Variants in REEP3 observed in about 807,000 individuals in gnomAD.
REEP3 encodes receptor accessory protein 3.
A neutral mutation model predicts 41.3 loss-of-function variants in REEP3; 20 were observed. That is an observed-to-expected ratio of 0.48 (90% CI 0.34 to 0.70). REEP3 has a LOEUF of 0.70. Ranked by LOEUF, REEP3 falls within the 30% of genes least tolerant of loss-of-function variation. REEP3 has a pLI of 0.01. For missense variants in REEP3, 271 were observed against 308.8 expected, an observed-to-expected ratio of 0.88 and a Z score of 0.92; for synonymous variants, 104 against 101.8, an observed-to-expected ratio of 1.02 and a Z score of -0.13.
At position 63,562,441 on chromosome 10, in the gene REEP3, G is replaced by A. The variant is rs528910402; in HGVS notation, c.33-3897G>A. The A allele has an allele frequency of 1.0e-5, 4 of 397,726 alleles. No individual in the cohort carries two copies. In the East Asian group the frequency reaches 3.0e-4, roughly 29 times the overall value. 24.6% of individuals were successfully genotyped at this position (397,726 alleles called of 1,614,324 possible). On this transcript the variant is annotated intron_variant, in intron 1 of 7. Transcript: ENST00000373758. The stretch of plus-strand genomic sequence containing the variant: ...CCTGCTAATTTTTGTATTTTTAGTA[G>A]AGACAGGGTTTCCCCACGTTGGCCA...
At chr10:63,561,156 G>A (rs929948970) in intron 1 of REEP3, among the ~76,000 whole-genome samples, 2 of 152,164 alleles carry the variant, frequency 1.3e-5, no homozygotes, top group Non-Finnish European at 2.9e-5. Context: ...TATATGTATA[G>A]TATCAACTAG....
At chr10:63,612,556 C>T (rs940955381) in intron 6 of REEP3, among the ~76,000 whole-genome samples, 3 of 151,982 alleles carry the variant, frequency 2.0e-5, no homozygotes, top group South Asian at 2.1e-4. Context: ...TTTGGGAGGC[C>T]GAGGCAGGCA....
At chr10:63,618,614 T>C (rs1675660830) in intron 6 of REEP3, among the ~76,000 whole-genome samples, 1 of 152,222 alleles carries the variant, frequency 6.6e-6, no homozygotes, top group Admixed American at 6.5e-5. Flanking sequence ...TGTCTGAGAC[T>C]TGGGCCCCTG....
intron 3 of REEP3, among the ~76,000 whole-genome samples, chr10:63,596,015 G>T (rs2133407257): frequency 1.3e-5 from 2 of 152,176 alleles, no homozygotes; most frequent in South Asian, 4.2e-4. Flanking sequence ...TTTTGTCTGG[G>T]TCTGTTTCAA....
At chr10:63,593,547 C>T (rs550965562) in intron 2 of REEP3, among the ~76,000 whole-genome samples, 5 of 152,270 alleles carry the variant, frequency 3.3e-5, no homozygotes, top group African/African-American at 9.6e-5. Flanking sequence ...TGTTTATCAA[C>T]GTAATTCCTC....
intron 1 of REEP3, among the ~76,000 whole-genome samples, chr10:63,536,129 C>T (rs1218747907): frequency 6.6e-6 from 1 of 152,194 alleles, no homozygotes; most frequent in Non-Finnish European, 1.5e-5. Flanking sequence ...TGAGAAACCT[C>T]AGGCTTAGAA....
chr10:63,566,869 A>G (rs1296447048), intron 2 of REEP3, among the ~76,000 whole-genome samples: 1 of 152,188 alleles, frequency 6.6e-6, no homozygotes, highest in Admixed American at 6.5e-5. Flanking sequence ...TCCTTCTTGA[A>G]TCAGACTCCA....
intron 2 of REEP3, among the ~76,000 whole-genome samples, chr10:63,576,844 C>T (rs1955902860): frequency 6.6e-6 from 1 of 152,128 alleles, no homozygotes; most frequent in South Asian, 2.1e-4. Context: ...GAGAAATATT[C>T]CTCTTTTTCC....
intron 2 of REEP3, among the ~76,000 whole-genome samples, chr10:63,569,368 G>C (rs1024623762): frequency 7.2e-5 from 11 of 152,044 alleles, no homozygotes; most frequent in African/African-American, 2.7e-4. Context: ...CACCTAGAAA[G>C]CATTCAAGAA....
At chr10:63,539,829 A>T (rs985459407) in intron 1 of REEP3, among the ~76,000 whole-genome samples, 1 of 152,192 alleles carries the variant, frequency 6.6e-6, no homozygotes, top group Admixed American at 6.5e-5. Context: ...GCACCTGGAC[A>T]TACTTTTTTT....
rs547357936 is a variant in REEP3, at chr10:63,622,394, A to C, written c.*1525A>C. 2.6e-5 allele frequency: 4 copies of C among 152,186 alleles called. No homozygotes were observed. The highest frequency in any genetic ancestry group is 5.9e-5 in the Non-Finnish European group (4 of 68,032). 9.4% of individuals were successfully genotyped at this position (152,186 alleles called of 1,614,324 possible). A position where few individuals can be genotyped will look rare whatever the true frequency, so the allele number is the denominator to read the frequency against. On this transcript the variant is annotated 3_prime_UTR_variant, in exon 8 of 8. Transcript: ENST00000373758. ...TTTTATGGATTATTTCACATTCTTC[A>C]TATATAACAAGTAAAATTAATTCAG...
At chr10:63,620,585 G>A (rs986173193) in intron 7 of REEP3, among the ~76,000 whole-genome samples, 1 of 151,768 alleles carries the variant, frequency 6.6e-6, no homozygotes, top group Non-Finnish European at 1.5e-5. Flanking sequence ...TAAATAATAG[G>A]ATTAATGTTT....
At chr10:63,546,808 C>G (rs1395476351) in intron 1 of REEP3, among the ~76,000 whole-genome samples, 1 of 152,214 alleles carries the variant, frequency 6.6e-6, no homozygotes, top group East Asian at 1.9e-4. Flanking sequence ...ATATCCATCA[C>G]TTGCAGAATC....
intron 1 of REEP3, among the ~76,000 whole-genome samples, chr10:63,566,128 C>T (rs1051990718): frequency 7.9e-5 from 12 of 152,156 alleles, no homozygotes; most frequent in African/African-American, 2.2e-4. Context: ...TCGTGATCCA[C>T]CTGCCTCGAC....
intron 1 of REEP3, among the ~76,000 whole-genome samples, chr10:63,550,079 A>G (rs1955614474): frequency 6.6e-6 from 1 of 152,242 alleles, no homozygotes; most frequent in Non-Finnish European, 1.5e-5. Context: ...TGTGTTGGGA[A>G]GCTGTTCAGT....
chr10:63,548,313 T>G (rs1955597213), intron 1 of REEP3, among the ~76,000 whole-genome samples: 1 of 152,242 alleles, frequency 6.6e-6, no homozygotes, highest in African/African-American at 2.4e-5. Context: ...TTCCTGAGTT[T>G]TTATTTTGTG....
At chr10:63,558,733 ACT>A (rs1223441590) in intron 1 of REEP3, among the ~76,000 whole-genome samples, 1 of 144,596 alleles carries the variant, frequency 6.9e-6, no homozygotes. Flanking sequence ...ACAGAGCAAG[ACT>A]CTGTGTCAAA....
At chr10:63,597,539 C>T (rs749166479) in intron 3 of REEP3, among the ~76,000 whole-genome samples, 1 of 152,212 alleles carries the variant, frequency 6.6e-6, no homozygotes, top group Non-Finnish European at 1.5e-5. Context: ...TCTCAGGTCA[C>T]ACATTCATGA....
At chr10:63,565,133 A>G (rs1955785363) in intron 1 of REEP3, among the ~76,000 whole-genome samples, 1 of 151,910 alleles carries the variant, frequency 6.6e-6, no homozygotes, top group Non-Finnish European at 1.5e-5. Flanking sequence ...AGTGGCACAC[A>G]CCTGTAATCC....
Sources: allele counts gnomAD v4.1 joint callset (sites outside exome capture counted in the v4.1 genomes callset), GRCh38; gene constraint gnomAD v4.1.1; transcripts MANE v1.5; gene names NCBI Gene and HGNC (gene_info 2026-07-23, HGNC 2026-07-21).